EPM2A: variants seen among roughly 807,000 people sequenced by gnomAD.
EPM2A encodes the protein EPM2A glucan phosphatase, laforin, also known as laforin.
A neutral mutation model predicts 26.5 loss-of-function variants in EPM2A; 21 were observed. That is an observed-to-expected ratio of 0.79 (90% CI 0.56 to 1.14). The LOEUF is 1.14. Among genes scored for constraint, EPM2A ranks in the 50% most tolerant of loss-of-function variants. EPM2A has a pLI of 0.00. For missense variants in EPM2A, 458 were observed against 440.8 expected (o/e 1.04, Z -0.35); for synonymous variants, 217 against 177.6 (o/e 1.22, Z -1.76).
At chr6:145,412,837 G>A (rs879489076) in intron 4 of EPM2A, among the ~76,000 whole-genome samples, 1 of 152,106 alleles carries the variant, frequency 6.6e-6, no homozygotes, top group Non-Finnish European at 1.5e-5. Context: ...TTTGCAAGAG[G>A]CCCTGAGATG....
intron 4 of EPM2A, among the ~76,000 whole-genome samples, chr6:145,385,405 A>C (rs1299253236): frequency 6.6e-6 from 1 of 152,090 alleles, no homozygotes; most frequent in Non-Finnish European, 1.5e-5. Context: ...AATAAAAAAT[A>C]AAAAAAGGTC....
chr6:145,397,834 G>A (rs965033418), intron 4 of EPM2A, among the ~76,000 whole-genome samples: 2 of 152,172 alleles, frequency 1.3e-5, no homozygotes, highest in African/African-American at 2.4e-5. Flanking sequence ...GGACATTAAT[G>A]TCTGTATCTG....
intron 3 of EPM2A, among the ~76,000 whole-genome samples, chr6:145,634,220 C>G (rs892942303): frequency 1.3e-5 from 2 of 152,126 alleles, no homozygotes; most frequent in Non-Finnish European, 2.9e-5. Context: ...ATCGGTGTAA[C>G]TTGGTTCTCT....
intron 2 of EPM2A, among the ~76,000 whole-genome samples, chr6:145,672,056 G>T (rs1346952549): frequency 6.6e-6 from 1 of 152,148 alleles, no homozygotes; most frequent in Non-Finnish European, 1.5e-5. Flanking sequence ...TAATTCTATT[G>T]AAGAGGGTGG....
At chr6:145,617,352 C>G (rs1775536580) in intron 2 of EPM2A, among the ~76,000 whole-genome samples, 1 of 152,174 alleles carries the variant, frequency 6.6e-6, no homozygotes, top group Admixed American at 6.5e-5. Flanking sequence ...TCCCTTCCTC[C>G]TGTGTAAATA....
intron 1 of EPM2A, among the ~76,000 whole-genome samples, chr6:145,709,131 C>T (rs1055432837): frequency 3.9e-5 from 6 of 152,124 alleles, no homozygotes; most frequent in African/African-American, 1.2e-4. Flanking sequence ...GGCTCATAGG[C>T]AGAAGGGGCT....
rs1776190243 is a variant in EPM2A at position 145,726,082 on chromosome 6, G to A, written c.301+9116C>T. Among the ~76,000 whole-genome samples, 3 of 151,932 alleles carry A rather than the reference G, an allele frequency of 2.0e-5. No individual in the cohort carries two copies. The South Asian group carries it at 6.2e-4, about 31-fold the overall frequency. The stretch of plus-strand genomic sequence containing the variant: ...AGAAATGTCCAATTTTAGCGTGGAG[G>A]AAGGAGACATAAAAGATGATCTCAG... On this transcript the variant is annotated intron_variant, in intron 1 of 3. Transcript: ENST00000367519.
intron 4 of EPM2A, among the ~76,000 whole-genome samples, chr6:145,486,327 T>C (rs1779673079): frequency 6.6e-6 from 1 of 152,182 alleles, no homozygotes; most frequent in Non-Finnish European, 1.5e-5. Flanking sequence ...TCAATGTTAT[T>C]ATGCATATTT....
intron 2 of EPM2A, among the ~76,000 whole-genome samples, chr6:145,683,154 G>A (rs1053054286): frequency 6.6e-6 from 1 of 151,806 alleles, no homozygotes; most frequent in Non-Finnish European, 1.5e-5. Flanking sequence ...AAGGGGAGTT[G>A]GACTGAAACA....
intron 4 of EPM2A, among the ~76,000 whole-genome samples, chr6:145,431,656 A>G (rs1310581453): frequency 3.9e-5 from 6 of 152,160 alleles, no homozygotes; most frequent in Non-Finnish European, 8.8e-5. Flanking sequence ...TTGCAGGAGG[A>G]AGGTTTTGCC....
intron 4 of EPM2A, among the ~76,000 whole-genome samples, chr6:145,444,055 CA>C (rs1779101127): frequency 6.6e-6 from 1 of 152,190 alleles, no homozygotes; most frequent in Admixed American, 6.5e-5. Context: ...GACTAATGCA[CA>C]GGAATCGTTT....
intron 2 of EPM2A, among the ~76,000 whole-genome samples, chr6:145,593,682 A>G (rs1255557156): frequency 6.6e-6 from 1 of 152,036 alleles, no homozygotes; most frequent in African/African-American, 2.4e-5. Context: ...TAAATAACAT[A>G]TGGGCCAAAG....
intron 2 of EPM2A, among the ~76,000 whole-genome samples, chr6:145,677,195 T>C (rs1186659193): frequency 6.6e-6 from 1 of 152,104 alleles, no homozygotes. Flanking sequence ...CATGATTATC[T>C]CAATAGAAGC....
chr6:145,673,882 T>A (rs1779830904), intron 2 of EPM2A, among the ~76,000 whole-genome samples: 1 of 152,160 alleles, frequency 6.6e-6, no homozygotes, highest in African/African-American at 2.4e-5. Flanking sequence ...GCAGAAACTT[T>A]GCAGACTTAA....
chr6:145,489,563 A>T (rs907947995), intron 4 of EPM2A: 6 of 764,996 alleles, frequency 7.8e-6, no homozygotes, highest in African/African-American at 7.1e-5. Context: ...GCTTAAGGAC[A>T]GTCATACTGC....
chr6:145,524,652 T>C (rs1780247077), intron 2 of EPM2A, among the ~76,000 whole-genome samples: 1 of 152,216 alleles, frequency 6.6e-6, no homozygotes, highest in Non-Finnish European at 1.5e-5. Context: ...AAGTTCCTTA[T>C]AGATTCTCGA....
chr6:145,619,742 A>G (rs1431758841), intron 2 of EPM2A, among the ~76,000 whole-genome samples: 1 of 152,238 alleles, frequency 6.6e-6, no homozygotes, highest in Non-Finnish European at 1.5e-5. Context: ...ACAAAAAGAA[A>G]AAGAGGAAGT....
At chr6:145,550,070 T>C (rs1018096880) in intron 2 of EPM2A, among the ~76,000 whole-genome samples, 2 of 152,098 alleles carry the variant, frequency 1.3e-5, no homozygotes, top group Admixed American at 6.6e-5. Context: ...TTGAAGGAAC[T>C]CAAGAAACGT....
At chr6:145,611,194 T>C (rs1007404944) in intron 2 of EPM2A, among the ~76,000 whole-genome samples, 2 of 152,148 alleles carry the variant, frequency 1.3e-5, no homozygotes, top group Non-Finnish European at 2.9e-5. Flanking sequence ...AATTGGCAAA[T>C]GTTTCAAATT....
Sources: allele counts gnomAD v4.1 joint callset (sites outside exome capture counted in the v4.1 genomes callset), GRCh38; gene constraint gnomAD v4.1.1; transcripts MANE v1.5; gene names NCBI Gene and HGNC (gene_info 2026-07-23, HGNC 2026-07-21).